SMYD3: variants seen among roughly 807,000 people sequenced by gnomAD.
SMYD3 encodes SET and MYND domain containing 3.
Under a neutral mutation model 57.7 loss-of-function variants are expected in SMYD3, and 36 were observed. The ratio of observed to expected loss-of-function variants is 0.62; its 90% CI spans 0.48 to 0.82. The LOEUF (loss-of-function observed/expected upper bound fraction) is 0.82, where lower values mean the gene tolerates loss of function less well. Among genes scored for constraint, SMYD3 ranks in the 40% least tolerant of loss-of-function variants. SMYD3 has a pLI of 0.00. For synonymous variants in SMYD3, 211 were observed against 195.0 expected, an observed-to-expected ratio of 1.08 and a Z score of -0.68; for missense variants, 515 against 538.8, an observed-to-expected ratio of 0.96 and a Z score of 0.44.
At chr1:246,190,584 CAAAAAAAAA>C in intron 5 of SMYD3, among the ~76,000 whole-genome samples, 1 of 63,022 alleles carries the variant, frequency 1.6e-5, no homozygotes, top group Admixed American at 2.4e-4. Flanking sequence ...GACTCTGTCT[CAAAAAAAAA>C]AAAAAAAAAA....
intron 5 of SMYD3, among the ~76,000 whole-genome samples, chr1:245,949,144 G>A (rs933001870): frequency 3.3e-5 from 5 of 152,122 alleles, no homozygotes; most frequent in African/African-American, 1.2e-4. Flanking sequence ...CCTATGCCAC[G>A]CCCATTGCCC....
rs2058938764 is a variant in SMYD3 at position 245,996,756 on chromosome 1, AGT to A, written c.532-66821_532-66820del. Among the ~76,000 whole-genome samples, 6 of 152,358 alleles carry A rather than the reference AGT, an allele frequency of 3.9e-5. No homozygotes were observed. In the South Asian group the frequency reaches 1.2e-3, roughly 32 times the overall value. The stretch of plus-strand genomic sequence containing the variant: ...CAGAACAAGAGCTGGCTAGCTTTCC[AGT>A]GTCCCCATCCAAACTAGGGACACCT... On this transcript the variant is annotated intron_variant, in intron 5 of 11. Transcript: ENST00000490107.
intron 5 of SMYD3, among the ~76,000 whole-genome samples, chr1:246,032,530 T>C (rs539230365): frequency 6.6e-6 from 1 of 152,198 alleles, no homozygotes; most frequent in Non-Finnish European, 1.5e-5. Context: ...GGCTCTGCCC[T>C]TGATTCACTG....
intron 5 of SMYD3, among the ~76,000 whole-genome samples, chr1:246,076,678 T>G (rs916702221): frequency 4.7e-4 from 30 of 63,942 alleles, no homozygotes; most frequent in African/African-American, 6.4e-4. Context: ...TCTGGTTTTG[T>G]TTTTTTTTTC....
Position 245,761,786 on chromosome 1 carries a change from C to CTTTTTT in SMYD3, c.1185+2249_1185+2254dup, listed in dbSNP as rs534305833. On this transcript the variant is annotated intron_variant, in intron 11 of 11. Coordinates refer to ENST00000490107, the MANE Select transcript of SMYD3 (RefSeq NM_001167740.2). ...TTAAATTGTACACACCATATTGAGT[C>CTTTTTT]TTTTTTTTTTTTTTTTTTTGAGACA... Among the ~76,000 whole-genome samples the CTTTTTT allele has an allele frequency of 9.2e-4, 107 of 115,714 alleles. 3 individuals are homozygous for CTTTTTT. The highest frequency in any genetic ancestry group is 3.8e-3 in the African/African-American group (102 of 26,894). 75.9% of individuals were successfully genotyped at this position (115,714 alleles called of 152,430 possible).
chr1:246,162,976 C>T (rs1558279979), intron 5 of SMYD3, among the ~76,000 whole-genome samples: 1 of 152,194 alleles, frequency 6.6e-6, no homozygotes, highest in Admixed American at 6.5e-5. Context: ...GCACATTTAA[C>T]CACCTTCATC....
At chr1:246,372,497 A>T (rs2066209344) in intron 1 of SMYD3, among the ~76,000 whole-genome samples, 1 of 152,214 alleles carries the variant, frequency 6.6e-6, no homozygotes, top group Admixed American at 6.5e-5. Context: ...TTATTCAGAT[A>T]ATCTTACTTC....
intron 10 of SMYD3, among the ~76,000 whole-genome samples, chr1:245,767,381 C>T (rs1032134948): frequency 3.9e-5 from 6 of 152,054 alleles, no homozygotes; most frequent in African/African-American, 1.4e-4. Context: ...AAAGTGAGTC[C>T]CTGCCCTTGG....
At chr1:245,808,323 C>G (rs564145234) in intron 10 of SMYD3, among the ~76,000 whole-genome samples, 3 of 152,280 alleles carry the variant, frequency 2.0e-5, no homozygotes, top group Non-Finnish European at 4.4e-5. Flanking sequence ...ATACACAAAC[C>G]TGGGCACCCA....
intron 5 of SMYD3, among the ~76,000 whole-genome samples, chr1:246,062,935 G>T (rs1340972155): frequency 2.0e-5 from 3 of 152,146 alleles, no homozygotes; most frequent in Non-Finnish European, 2.9e-5. Flanking sequence ...GACTACCTTG[G>T]AAAACTTACA....
chr1:246,316,393 C>G (rs1042075817), intron 5 of SMYD3, among the ~76,000 whole-genome samples: 1 of 146,956 alleles, frequency 6.8e-6, no homozygotes, highest in African/African-American at 2.5e-5. Context: ...GAGTTTCACT[C>G]TTGTCGCCCA....
intron 5 of SMYD3, among the ~76,000 whole-genome samples, chr1:246,244,489 G>A (rs189057927): frequency 1.8e-4 from 27 of 152,198 alleles, no homozygotes; most frequent in Middle Eastern, 3.4e-3. Context: ...TGAAAGGACC[G>A]GCAGTATATA....
chr1:246,362,450 TCCC>T (rs1558424254), intron 1 of SMYD3, among the ~76,000 whole-genome samples: 1 of 17,322 alleles, frequency 5.8e-5, no homozygotes, highest in Non-Finnish European at 1.6e-4. Flanking sequence ...GGTCTCCCTC[TCCC>T]TCTCCCTCTC....
intron 5 of SMYD3, among the ~76,000 whole-genome samples, chr1:246,205,402 G>A (rs1052233914): frequency 6.6e-6 from 1 of 152,188 alleles, no homozygotes; most frequent in Non-Finnish European, 1.5e-5. Flanking sequence ...ATCCAGTACA[G>A]TCATGCGCAG....
chr1:246,192,310 G>A (rs2062751548), intron 5 of SMYD3, among the ~76,000 whole-genome samples: 1 of 152,100 alleles, frequency 6.6e-6, no homozygotes, highest in Non-Finnish European at 1.5e-5. Context: ...TATAAGAAAA[G>A]AGGTTTAATT....
intron 5 of SMYD3, among the ~76,000 whole-genome samples, chr1:246,009,550 G>A (rs190246985): frequency 3.9e-5 from 6 of 151,970 alleles, no homozygotes; most frequent in African/African-American, 7.2e-5. Context: ...GGGTAACAAC[G>A]CAAAAGGCAA....
chr1:246,298,340 T>A (rs2064832966), intron 5 of SMYD3, among the ~76,000 whole-genome samples: 2 of 147,668 alleles, frequency 1.4e-5, no homozygotes, highest in African/African-American at 4.8e-5. Context: ...ATCTAAATAC[T>A]GAATATTAAT....
In SMYD3 at chr1:246,097,011, T is replaced by C. The variant is rs570668342; in HGVS notation, c.532-167074A>G. Among the ~76,000 whole-genome samples, 6 of 152,352 alleles carry C rather than the reference T, an allele frequency of 3.9e-5. No homozygotes were observed. In the South Asian group the frequency reaches 1.2e-3, roughly 32 times the overall value. On this transcript the variant is annotated intron_variant, in intron 5 of 11. Transcript: ENST00000490107. ...ATAATCCAGTAAGAAACTCACAACATAGACATGCAATTTACAGTTTCTGCA... is the reference window on the plus strand; with the variant it reads ...ATAATCCAGTAAGAAACTCACAACACAGACATGCAATTTACAGTTTCTGCA...
intron 5 of SMYD3, among the ~76,000 whole-genome samples, chr1:246,003,376 A>G (rs188328991): frequency 5.3e-5 from 8 of 152,350 alleles, no homozygotes; most frequent in Admixed American, 4.6e-4. Context: ...AAACTCTTTT[A>G]GGACTAATTC....
Sources: gnomAD v4.1 joint callset for allele counts (sites outside exome capture counted in the v4.1 genomes callset) on GRCh38, gnomAD v4.1.1 for gene constraint, MANE v1.5 for transcripts, NCBI Gene and HGNC (gene_info 2026-07-23, HGNC 2026-07-21) for gene names.